The following EPS8 variants were observed in gnomAD, a reference collection of about 807,000 sequenced individuals.
EPS8 encodes the protein EGFR pathway substrate 8, signaling adaptor.
A neutral mutation model predicts 103.8 loss-of-function variants in EPS8; 42 were observed. The ratio of observed to expected loss-of-function variants is 0.40; its 90% CI spans 0.32 to 0.52. The LOEUF (loss-of-function observed/expected upper bound fraction) is 0.52. EPS8 is among the 20% of genes least tolerant of loss of function. The pLI is 0.40. For missense variants in EPS8, 969 were observed against 1,005.1 expected, an observed-to-expected ratio of 0.96 and a Z score of 0.49; for synonymous variants, 344 against 344.6, an observed-to-expected ratio of 1.00 and a Z score of 0.02.
Position 15,631,519 on chromosome 12 carries a change from C to A in EPS8, c.1967G>T (p.Arg656Leu). The change falls in exon 18 of 21, where the codon CGT (arginine) becomes CTT (leucine). Residue 656 changes from arginine to leucine, a missense_variant. Coordinates refer to ENST00000281172, the MANE Select transcript of EPS8 (RefSeq NM_004447.6). The stretch of plus-strand genomic sequence containing the variant: ...ACTGTCACTGGAGCTGCTGTTTTGA[C>A]GTGTTATATTTGCTGGGACCTTTGA... ...PVSKVPANIT[R>L]QNSSSSDSGG... The A allele has an allele frequency of 6.2e-7, 1 of 1,613,954 alleles. No homozygotes were observed. Among genetic ancestry groups the A allele is most frequent in the Non-Finnish European group, 8.5e-7 (1 of 1,179,986 alleles).
intron 1 of EPS8, among the ~76,000 whole-genome samples, chr12:15,742,995 T>C (rs1946840634): frequency 6.6e-6 from 1 of 152,216 alleles, no homozygotes; most frequent in African/African-American, 2.4e-5. Flanking sequence ...GATGACATGA[T>C]TGTCTATCTA....
At chr12:15,683,001 G>A in intron 1 of EPS8, 29 bp from the exon 2 acceptor site, 1 of 1,287,946 alleles carries the variant, frequency 7.8e-7, no homozygotes, top group Non-Finnish European at 1.1e-6. Flanking sequence ...ATAGATTAAA[G>A]GCAATAAAAA....
chr12:15,646,397 T>C (rs1945320287), intron 15 of EPS8, among the ~76,000 whole-genome samples: 1 of 152,180 alleles, frequency 6.6e-6, no homozygotes. Context: ...TATTCCCAGT[T>C]CACTGAATGA....
At chr12:15,744,064 A>G (rs865802080) in intron 1 of EPS8, among the ~76,000 whole-genome samples, 1 of 152,234 alleles carries the variant, frequency 6.6e-6, no homozygotes, top group African/African-American at 2.4e-5. Context: ...CAAATTTACA[A>G]GAAAAAATCA....
chr12:15,696,031 A>G lies in EPS8; in HGVS notation c.-21-13059T>C, dbSNP rs1228982360. The stretch of plus-strand genomic sequence containing the variant: ...CAAACCTAGCTATGAACTTCTCAAA[A>G]GTATGGGACTGAGAGATTCATTCTG... On this transcript the variant is annotated intron_variant, in intron 1 of 20. Transcript: ENST00000281172. This position sits in a 1 kb window ranked among gnomAD's most constrained non-coding sequence, Gnocchi z 4.8. Among the ~76,000 whole-genome samples the G allele has an allele frequency of 1.3e-5, 2 of 152,236 alleles. No individual in the cohort carries two copies. Among genetic ancestry groups the G allele is most frequent in the Non-Finnish European group, 2.9e-5 (2 of 68,042 alleles).
intron 1 of EPS8, among the ~76,000 whole-genome samples, chr12:15,725,000 G>T (rs1341256497): frequency 2.0e-5 from 3 of 151,734 alleles, no homozygotes; most frequent in Non-Finnish European, 2.9e-5. Flanking sequence ...AGTTCACTTT[G>T]TCATTTTGAA....
At chr12:15,729,506 C>T (rs932792627) in intron 1 of EPS8, among the ~76,000 whole-genome samples, 6 of 152,096 alleles carry the variant, frequency 3.9e-5, no homozygotes, top group African/African-American at 1.4e-4. Context: ...CCAAGCTCAC[C>T]GATTCTTTCA....
At chr12:15,644,374 C>A (rs1945283663) in intron 15 of EPS8, among the ~76,000 whole-genome samples, 1 of 152,148 alleles carries the variant, frequency 6.6e-6, no homozygotes, top group African/African-American at 2.4e-5. Flanking sequence ...AATTCATGTG[C>A]CACTTTTTTT....
Position 15,785,922 on chromosome 12 carries a change from AAT to A in EPS8, c.-22+3237_-22+3238del, listed in dbSNP as rs138935696. Reference sequence around the variant, plus strand: ...AGATAGATAGATTTTATATTTATATAATATATATATATCCATGAGTCCAGAAC... The same window carrying A: ...AGATAGATAGATTTTATATTTATATAATATATATATCCATGAGTCCAGAAC... On this transcript the variant is annotated intron_variant, in intron 1 of 20. Coordinates refer to ENST00000281172, the MANE Select transcript of EPS8 (RefSeq NM_004447.6). This position sits in a 1 kb window ranked among gnomAD's most constrained non-coding sequence, Gnocchi z 4.9. Among the ~76,000 whole-genome samples the A allele has an allele frequency of 1.3e-5, 2 of 151,442 alleles. No individual in the cohort carries two copies. Among genetic ancestry groups the A allele is most frequent in the African/African-American group, 2.4e-5 (1 of 41,386 alleles).
rs983754875 is a variant in EPS8 at position 15,688,148 on chromosome 12, G to C, written c.-21-5176C>G. ...CATAGGCAGAAGTGAACACAAAGGA[G>C]AAAGGGAAAGAAAACATTTAATGAG... On this transcript the variant is annotated intron_variant, in intron 1 of 20. Transcript: ENST00000281172. The surrounding 1 kb of genome is among the most constrained non-coding windows in gnomAD (Gnocchi z 5.1). 6.6e-6 allele frequency among the ~76,000 whole-genome samples: 1 copy of C among 152,166 alleles called. No individual in the cohort carries two copies. The highest frequency in any genetic ancestry group is 2.4e-5 in the African/African-American group (1 of 41,460).
chr12:15,641,583 A>G, intron 16 of EPS8, 139 bp downstream of exon 16: 2 of 442,122 alleles, frequency 4.5e-6, no homozygotes, highest in Non-Finnish European at 7.8e-6. Context: ...ATATACCCCT[A>G]CTAAATAGAT....
chr12:15,662,203 A>G lies in EPS8; in HGVS notation c.737-104T>C, dbSNP rs1945618237. The stretch of plus-strand genomic sequence containing the variant: ...GTTAAAAAGGAGGACCATTTGCCAA[A>G]GGGAACACCTCCACTGGATACACAA... On this transcript the variant is annotated intron_variant, in intron 8 of 20. Coordinates refer to ENST00000281172, the MANE Select transcript of EPS8 (RefSeq NM_004447.6). 4 of 1,552,832 alleles carry G rather than the reference A, an allele frequency of 2.6e-6. No homozygotes were observed. In the Admixed American group the frequency reaches 7.0e-5, roughly 27 times the overall value.
chr12:15,681,869 T>C (rs916518321), intron 2 of EPS8, among the ~76,000 whole-genome samples: 1 of 152,154 alleles, frequency 6.6e-6, no homozygotes, highest in African/African-American at 2.4e-5. Context: ...TTTTACTCAT[T>C]TTTTCAGTGA....
Position 15,779,378 on chromosome 12 carries a change from C to A in EPS8, c.-22+9783G>T, listed in dbSNP as rs972077717. The stretch of plus-strand genomic sequence containing the variant: ...TAAATTCTAAAAGAGCACTTAAAAT[C>A]ATCTTATTGTACATTCAGGTCTAAA... On this transcript the variant is annotated intron_variant, in intron 1 of 20. Transcript: ENST00000281172. The surrounding 1 kb of genome is among the most constrained non-coding windows in gnomAD (Gnocchi z 4.3). Among the ~76,000 whole-genome samples, 1 of 152,202 alleles carries A rather than the reference C, an allele frequency of 6.6e-6. No individual in the cohort carries two copies. The highest frequency in any genetic ancestry group is 1.5e-5 in the Non-Finnish European group (1 of 68,032).
At chr12:15,722,195 A>C (rs1300108411) in intron 1 of EPS8, among the ~76,000 whole-genome samples, 2 of 145,382 alleles carry the variant, frequency 1.4e-5, no homozygotes, top group Admixed American at 6.7e-5. Flanking sequence ...CTGATGAGGT[A>C]CAAAAAAAAA....
chr12:15,743,317 C>T (rs1946843761), intron 1 of EPS8, among the ~76,000 whole-genome samples: 1 of 152,080 alleles, frequency 6.6e-6, no homozygotes, highest in Non-Finnish European at 1.5e-5. Context: ...GAATCAATAT[C>T]GTGAAAATGG....
At chr12:15,661,177 G>A (rs546998006) in intron 9 of EPS8, among the ~76,000 whole-genome samples, 1 of 152,272 alleles carries the variant, frequency 6.6e-6, no homozygotes, top group East Asian at 1.9e-4. Flanking sequence ...CTAATAGCTA[G>A]TCTAGGATAC....
rs1405835235 is a variant in EPS8, at chr12:15,734,265, C to A, written c.-21-51293G>T. ...TCAGTTTAGTTTTGTTTTCTCTCCT[C>A]CTCAGCTGCTTCCTCCTCTTCCTTT... On this transcript the variant is annotated intron_variant, in intron 1 of 20. Coordinates refer to ENST00000281172, the MANE Select transcript of EPS8 (RefSeq NM_004447.6). The surrounding 1 kb of genome is among the most constrained non-coding windows in gnomAD (Gnocchi z 4.1). Among the ~76,000 whole-genome samples, 1 of 152,212 alleles carries A rather than the reference C, an allele frequency of 6.6e-6. No homozygotes were observed. Among genetic ancestry groups the A allele is most frequent in the African/African-American group, 2.4e-5 (1 of 41,460 alleles).
chr12:15,643,740 G>GAAA (rs56952348), intron 15 of EPS8, among the ~76,000 whole-genome samples: 10 of 76,952 alleles, frequency 1.3e-4, no homozygotes, highest in East Asian at 9.0e-4. Context: ...ACTCTGTCTC[G>GAAA]AAAAAAAAAA....
Sources: allele counts gnomAD v4.1 joint callset (sites outside exome capture counted in the v4.1 genomes callset), GRCh38; gene constraint gnomAD v4.1.1; non-coding constraint Gnocchi (gnomAD v3.1); transcripts MANE v1.5; gene names NCBI Gene and HGNC (gene_info 2026-07-23, HGNC 2026-07-21).